CC2D2A: variants seen among roughly 807,000 people sequenced by gnomAD.
CC2D2A encodes coiled-coil and C2 domain containing 2A, also known as coiled-coil and C2 domain-containing protein 2A.
CC2D2A carries 155 observed loss-of-function variants against 212.9 expected under a neutral mutation model. The observed-to-expected ratio is 0.73, with a 90% confidence interval of 0.64 to 0.83. CC2D2A has a LOEUF of 0.83. Ranked by LOEUF, CC2D2A falls within the 40% of genes least tolerant of loss-of-function variation. The pLI, the probability that CC2D2A is intolerant of heterozygous loss-of-function variation, is 0.00. For missense variants in CC2D2A, 1,856 were observed against 1,956.2 expected (o/e 0.95, Z 0.97); for synonymous variants, 667 against 686.5 (o/e 0.97, Z 0.44).
chr4:15,484,272 G>A (rs556357185), intron 4 of CC2D2A, among the ~76,000 whole-genome samples: 3 of 152,274 alleles, frequency 2.0e-5, no homozygotes, highest in East Asian at 1.9e-4. Flanking sequence ...ATGTGCTTGC[G>A]ACATTAAGCA....
intron 4 of CC2D2A, chr4:15,492,609 TGAG>T (rs1336238822): frequency 9.5e-5 from 40 of 422,432 alleles, no homozygotes; most frequent in African/African-American, 6.7e-4. Flanking sequence ...ATGGAAATTG[TGAG>T]GAGGGGAGAT....
intron 10 of CC2D2A, among the ~76,000 whole-genome samples, 159 bp from the exon 11 acceptor site, chr4:15,516,466 G>A (rs1332035582): frequency 6.6e-6 from 1 of 152,134 alleles, no homozygotes; most frequent in Non-Finnish European, 1.5e-5. Flanking sequence ...GTGAAGACTT[G>A]ATTTCTAATG....
chr4:15,474,547 T>G (rs902589278), intron 1 of CC2D2A, among the ~76,000 whole-genome samples: 1 of 152,022 alleles, frequency 6.6e-6, no homozygotes, highest in Non-Finnish European at 1.5e-5. Context: ...AGGACTATAG[T>G]TAATAATAAT....
At chr4:15,568,976 C>CT (rs1320078843) in intron 26 of CC2D2A, among the ~76,000 whole-genome samples, 1 of 152,154 alleles carries the variant, frequency 6.6e-6, no homozygotes. Context: ...ACCTTGTAGC[C>CT]TGTCCACTAA....
chr4:15,529,396 A>T (rs13147815), intron 13 of CC2D2A, among the ~76,000 whole-genome samples: 10 of 151,724 alleles, frequency 6.6e-5, no homozygotes, highest in Non-Finnish European at 8.8e-5. Context: ...AAAAAAAAAG[A>T]AAAAAGGAAG....
At chr4:15,526,612 T>C (rs935547790) in intron 11 of CC2D2A, among the ~76,000 whole-genome samples, 1 of 152,210 alleles carries the variant, frequency 6.6e-6, no homozygotes, top group South Asian at 2.1e-4. Flanking sequence ...TCTAGATAAA[T>C]AGCTCATCTC....
At chr4:15,576,398 T>C (rs1188108152) in intron 29 of CC2D2A, 1 of 983,766 alleles carries the variant, frequency 1.0e-6, no homozygotes, top group East Asian at 1.1e-4. Flanking sequence ...GTCTCTCCTC[T>C]ACCACCATGC....
At chr4:15,581,019 T>A (rs191050570) in intron 30 of CC2D2A, among the ~76,000 whole-genome samples, 2 of 152,138 alleles carry the variant, frequency 1.3e-5, no homozygotes, top group African/African-American at 4.8e-5. Flanking sequence ...ATCACAAACT[T>A]GTGTGAATCA....
chr4:15,599,591 A>G lies in CC2D2A; in HGVS notation c.4559A>G (p.Asn1520Ser), dbSNP rs1478902342. 1 of 1,611,618 alleles carries G rather than the reference A, an allele frequency of 6.2e-7. No individual in the cohort carries two copies. Among genetic ancestry groups the G allele is most frequent in the Non-Finnish European group, 8.5e-7 (1 of 1,178,290 alleles). The change falls in exon 36 of 37, where the codon AAT (asparagine) becomes AGT (serine). Residue 1520 changes from asparagine (N) to serine (S), a missense_variant. By Grantham distance (46) the Asn-to-Ser change is conservative. Coordinates refer to ENST00000424120, the MANE Select transcript of CC2D2A (RefSeq NM_001378615.1). ...AGGCCACGCCATCTGACTCGGTGGA[A>G]TAGGTATTGTACCTCTACTCTGCGT... The part of the protein sequence containing the change: ...DWRPRHLTRW[N>S]RYCTSTLRHF...
chr4:15,510,595 C>T (rs188635019), intron 7 of CC2D2A, among the ~76,000 whole-genome samples: 207 of 152,218 alleles, frequency 1.4e-3, no homozygotes, highest in Non-Finnish European at 2.2e-3. Flanking sequence ...GACCTCATCT[C>T]TTAATTAAAA....
At chr4:15,522,508 GT>G (rs35332799) in intron 11 of CC2D2A, among the ~76,000 whole-genome samples, 29,906 of 143,592 alleles carry the variant, frequency 0.21, 3,163 homozygotes, top group Non-Finnish European at 0.25. Context: ...CTTTTTGAAT[GT>G]TTTTTTTTTT....
At chr4:15,583,000 TG>T (rs1720717580) in intron 30 of CC2D2A, among the ~76,000 whole-genome samples, 1 of 152,072 alleles carries the variant, frequency 6.6e-6, no homozygotes, top group South Asian at 2.1e-4. Context: ...CATGGTCAAG[TG>T]GGACTCATTC....
chr4:15,559,121 G>C, intron 21 of CC2D2A, 44 bp from the exon 22 acceptor site: 2 of 1,137,304 alleles, frequency 1.8e-6, no homozygotes, highest in Middle Eastern at 1.9e-4. Flanking sequence ...CTTAAGAAAA[G>C]CACCAGAGAG....
At chr4:15,497,655 T>C (rs1432033706) in intron 4 of CC2D2A, among the ~76,000 whole-genome samples, 1 of 152,252 alleles carries the variant, frequency 6.6e-6, no homozygotes, top group Non-Finnish European at 1.5e-5. Flanking sequence ...CACATCCTTG[T>C]CAATACTTGT....
chr4:15,533,340 T>A lies in CC2D2A; in HGVS notation c.1607+7T>A. On this transcript the variant is annotated splice_region_variant and intron_variant, in intron 14 of 36. Coordinates refer to ENST00000424120, the MANE Select transcript of CC2D2A (RefSeq NM_001378615.1). ...TGAAACTTGTTTTGAGAAAGTAGGCTTTTTTGAAAAATTATTTTATTGGGC... is the reference window on the plus strand; with the variant it reads ...TGAAACTTGTTTTGAGAAAGTAGGCATTTTTGAAAAATTATTTTATTGGGC... 1 of 1,525,270 alleles carries A rather than the reference T, an allele frequency of 6.6e-7. No individual in the cohort carries two copies. The allele number at this position is 1,525,270 out of a possible 1,614,324, so 94.5% of individuals were successfully genotyped here. A position where few individuals can be genotyped will look rare whatever the true frequency, so the allele number is the denominator to read the frequency against.
chr4:15,534,636 T>C (rs2109031343), intron 14 of CC2D2A, among the ~76,000 whole-genome samples: 1 of 152,326 alleles, frequency 6.6e-6, no homozygotes. Context: ...GTTGTACCCA[T>C]ATACTGACAC....
At chr4:15,483,524 G>A (rs1714816804) in intron 4 of CC2D2A, among the ~76,000 whole-genome samples, 2 of 152,162 alleles carry the variant, frequency 1.3e-5, no homozygotes, top group Non-Finnish European at 2.9e-5. Context: ...ACATTTAAGG[G>A]AAGGAAAATC....
intron 30 of CC2D2A, among the ~76,000 whole-genome samples, chr4:15,584,210 T>A (rs994645689): frequency 6.6e-6 from 1 of 151,534 alleles, no homozygotes; most frequent in South Asian, 2.1e-4. Context: ...TAACCTTGAG[T>A]AAAAAGAACA....
At chr4:15,481,290 C>T (rs533000763) in intron 4 of CC2D2A, 2 of 450,724 alleles carry the variant, frequency 4.4e-6, no homozygotes, top group African/African-American at 4.0e-5. Context: ...GGGTAAATCA[C>T]CTGAGGTTGG....
Sources: gnomAD v4.1 joint callset for allele counts (sites outside exome capture counted in the v4.1 genomes callset) on GRCh38, gnomAD v4.1.1 for gene constraint, MANE v1.5 for transcripts, NCBI Gene and HGNC (gene_info 2026-07-23, HGNC 2026-07-21) for gene names.